Variants in TMPRSS12 observed in about 807,000 individuals in gnomAD.
TMPRSS12 encodes the protein transmembrane serine protease 12, also known as transmembrane protease serine 12.
TMPRSS12 carries 25 observed loss-of-function variants against 26.0 expected under a neutral mutation model. The observed-to-expected ratio is 0.96, with a 90% CI of 0.70 to 1.34. The LOEUF is 1.34. Ranked by LOEUF, TMPRSS12 falls within the 40% of genes most tolerant of loss-of-function variation. The pLI, the probability that TMPRSS12 is intolerant of heterozygous loss-of-function variation, is 0.00. For missense variants in TMPRSS12, 441 were observed against 440.1 expected (o/e 1.00, Z -0.02); for synonymous variants, 150 against 161.7 (o/e 0.93, Z 0.55).
intron 3 of TMPRSS12, among the ~76,000 whole-genome samples, chr12:50,860,619 G>T (rs1398608139): frequency 1.3e-5 from 2 of 151,806 alleles, no homozygotes; most frequent in African/African-American, 2.4e-5. Context: ...GTATGTTTTG[G>T]TTTTTTAAGA....
intron 3 of TMPRSS12, among the ~76,000 whole-genome samples, chr12:50,862,367 T>G (rs946691444): frequency 2.6e-5 from 4 of 152,178 alleles, no homozygotes; most frequent in Non-Finnish European, 5.9e-5. Context: ...GCCAAAATGT[T>G]AACTTTTAAT....
At chr12:50,875,888 C>T (rs1938108713) in intron 3 of TMPRSS12, among the ~76,000 whole-genome samples, 1 of 152,040 alleles carries the variant, frequency 6.6e-6, no homozygotes, top group Non-Finnish European at 1.5e-5. Context: ...GCAACAAAAA[C>T]AAAAATTGAC....
chr12:50,843,335 T>C (rs1937732933), intron 1 of TMPRSS12, among the ~76,000 whole-genome samples, 184 bp downstream of exon 1: 2 of 152,372 alleles, frequency 1.3e-5, no homozygotes, highest in Non-Finnish European at 2.9e-5. Flanking sequence ...GACACATTTG[T>C]ATTGTGAATC....
chr12:50,875,718 G>A (rs1938107574), intron 3 of TMPRSS12, among the ~76,000 whole-genome samples: 1 of 152,012 alleles, frequency 6.6e-6, no homozygotes, highest in Non-Finnish European at 1.5e-5. Context: ...AATGAAACCA[G>A]ACCTCTATCC....
At position 50,843,144 on chromosome 12, in the gene TMPRSS12, T is replaced by A. The variant is rs1194010932; in HGVS notation, c.180T>A (p.His60Gln). The A allele has an allele frequency of 1.3e-6, 2 of 1,564,216 alleles. No individual in the cohort carries two copies. The highest frequency in any genetic ancestry group is 4.7e-5 in the East Asian group (2 of 42,638). The change falls in exon 1 of 5, where the codon CAT becomes CAA. Residue 60 changes from histidine to glutamine, a missense_variant. By Grantham distance (24) the His-to-Gln change is conservative. Transcript: ENST00000398458. ...GGCGGCGGAGGGAGGGAGGGGCGCA[T>A]GCAGAGGGCAGTACCTGTTCGTGCC... ...RLRRRREGGA[H>Q]AEDCGTAPLK...
chr12:50,845,181 T>C (rs1937756240), intron 2 of TMPRSS12, among the ~76,000 whole-genome samples: 1 of 152,348 alleles, frequency 6.6e-6, no homozygotes, highest in South Asian at 2.1e-4. Flanking sequence ...CTGATTTTTG[T>C]GGCCAAATGC....
intron 3 of TMPRSS12, among the ~76,000 whole-genome samples, chr12:50,880,884 T>C (rs897123188): frequency 1.4e-5 from 2 of 145,878 alleles, no homozygotes; most frequent in African/African-American, 2.5e-5. Flanking sequence ...GGAAGCTATA[T>C]ACAAAAGACT....
rs762795636 is a variant in TMPRSS12 at position 50,842,968 on chromosome 12, C to A, written c.4C>A (p.Arg2=). 5 of 1,582,694 alleles carry A rather than the reference C, an allele frequency of 3.2e-6. No individual in the cohort carries two copies. Among genetic ancestry groups the A allele is most frequent in the Admixed American group, 3.6e-5 (2 of 56,052 alleles). ...ATCTTGCTCACCAGCCTCCAAAATG[C>A]GGCTGGGGCTCCTGAGCGTGGCGCT... M[R]LGLLSVALLF... Residue 2 remains arginine, a synonymous_variant, in exon 1 of 5, where the codon CGG becomes AGG. Transcript: ENST00000398458.
At chr12:50,868,075 A>G (rs1356257463) in intron 3 of TMPRSS12, among the ~76,000 whole-genome samples, 4 of 152,230 alleles carry the variant, frequency 2.6e-5, no homozygotes, top group Non-Finnish European at 4.4e-5. Flanking sequence ...TTTAAAAAGC[A>G]TAAACAAAAA....
chr12:50,880,283 G>T (rs1202031986), intron 3 of TMPRSS12, among the ~76,000 whole-genome samples: 2 of 152,174 alleles, frequency 1.3e-5, no homozygotes, highest in Admixed American at 1.3e-4. Flanking sequence ...AGCTACTTGA[G>T]AGGCTAACAC....
chr12:50,851,546 T>C (rs1937826156), intron 2 of TMPRSS12, among the ~76,000 whole-genome samples: 1 of 152,298 alleles, frequency 6.6e-6, no homozygotes, highest in Non-Finnish European at 1.5e-5. Context: ...TAGGGGATTA[T>C]GTAAAGAGAC....
At chr12:50,882,323 A>G (rs1363132407) in intron 3 of TMPRSS12, among the ~76,000 whole-genome samples, 1 of 146,082 alleles carries the variant, frequency 6.8e-6, no homozygotes, top group Non-Finnish European at 1.5e-5. Context: ...AGAATATTAC[A>G]GCCAGACATG....
At position 50,858,974 on chromosome 12, in the gene TMPRSS12, C is replaced by T; in HGVS notation, c.573C>T (p.Cys191=). Residue 191 remains cysteine, a synonymous_variant, in exon 3 of 5, where the codon TGC becomes TGT. Coordinates refer to ENST00000398458, the MANE Select transcript of TMPRSS12 (RefSeq NM_182559.3). The part of the protein sequence containing the change: ...VRYNDYIQPI[C]LPFDVFQILD... ...ATAATGACTATATTCAGCCTATTTG[C>T]CTACCTTTTGATGTTTTCCAAATCC... The T allele has an allele frequency of 6.3e-7, 1 of 1,598,626 alleles. No homozygotes were observed. Among genetic ancestry groups the T allele is most frequent in the Non-Finnish European group, 8.5e-7 (1 of 1,172,040 alleles).
rs1248539623 is a variant in TMPRSS12, at chr12:50,859,222, T to A, written c.652+169T>A. 2.6e-5 allele frequency among the ~76,000 whole-genome samples: 4 copies of A among 151,512 alleles called. No homozygotes were observed. In the East Asian group the frequency reaches 7.7e-4, roughly 29 times the overall value. ...TTTTTCCGTATTTTTATGGTACCTT[T>A]TTTTTTTTTTCCAGACAGAGTCTTG... is the stretch of plus-strand genomic sequence containing the variant. On this transcript the variant is annotated intron_variant, in intron 3 of 4. Transcript: ENST00000398458.
chr12:50,880,146 C>G (rs1938150049), intron 3 of TMPRSS12, among the ~76,000 whole-genome samples: 1 of 152,100 alleles, frequency 6.6e-6, no homozygotes, highest in Non-Finnish European at 1.5e-5. Context: ...CCTGTAATCT[C>G]AGTGCTTTGG....
intron 3 of TMPRSS12, among the ~76,000 whole-genome samples, chr12:50,862,134 T>C (rs1393521933): frequency 1.3e-5 from 2 of 152,162 alleles, no homozygotes; most frequent in Non-Finnish European, 2.9e-5. Context: ...CACAATGTCA[T>C]ACAGTTTCAT....
Position 50,859,034 on chromosome 12 carries a change from G to A in TMPRSS12, c.633G>A (p.Trp211Ter), listed in dbSNP as rs1203525900. Residue 211 changes from tryptophan to a stop codon, truncating the protein, a stop_gained, in exon 3 of 5, where the codon TGG (tryptophan) becomes TGA (stop). Coordinates refer to ENST00000398458, the MANE Select transcript of TMPRSS12 (RefSeq NM_182559.3). LOFTEE classifies it high-confidence loss of function. The stretch of plus-strand genomic sequence containing the variant: ...ACACAAAGTGTTTTATAAGTGGCTG[G>A]GGAAGAACAAAAGAAGAAGGTAATT... ...DGNTKCFISG[W>*]GRTKEEGNAT... The A allele has an allele frequency of 1.3e-6, 2 of 1,588,982 alleles. No individual in the cohort carries two copies. The highest frequency in any genetic ancestry group is 1.4e-5 in the African/African-American group (1 of 73,864).
chr12:50,844,024 A>T lies in TMPRSS12; in HGVS notation c.370A>T (p.Thr124Ser). 6.3e-7 allele frequency: 1 copy of T among 1,582,486 alleles called. No homozygotes were observed. The highest frequency in any genetic ancestry group is 2.3e-5 in the East Asian group (1 of 44,436). Residue 124 changes from threonine (T) to serine (S), a missense_variant, in exon 2 of 5, where the codon ACT (threonine) becomes TCT (serine). Coordinates refer to ENST00000398458, the MANE Select transcript of TMPRSS12 (RefSeq NM_182559.3). ...ERWVLTAAHC[T>S]KDASDPLMWT... is the part of the protein sequence containing the mutation. ...GTGGGTCCTCACAGCTGCCCACTGC[A>T]CTAAAGACGCTAGGTACGTATTCAG... is the stretch of plus-strand genomic sequence containing the variant.
rs556696348 is a variant in TMPRSS12 at position 50,881,474 on chromosome 12, TA to T, written c.653-3765del. ...TGTAAATTAAACCCTAATAAAGCTG[TA>T]AAAAAATGACAAAAGGGTAAGCTTT... On this transcript the variant is annotated intron_variant, in intron 3 of 4. Coordinates refer to ENST00000398458, the MANE Select transcript of TMPRSS12 (RefSeq NM_182559.3). Among the ~76,000 whole-genome samples, 230 of 152,134 alleles carry T rather than the reference TA, an allele frequency of 1.5e-3. 1 individual carries two copies. Among genetic ancestry groups the T allele is most frequent in the Admixed American group, 0.011 (167 of 15,280 alleles).
Sources: allele counts gnomAD v4.1 joint callset (sites outside exome capture counted in the v4.1 genomes callset), GRCh38; gene constraint gnomAD v4.1.1; transcripts MANE v1.5; gene names NCBI Gene and HGNC (gene_info 2026-07-23, HGNC 2026-07-21).